CFAP52: variants seen among roughly 807,000 people sequenced by gnomAD.
The protein encoded by CFAP52 is cilia and flagella associated protein 52.
CFAP52 carries 57 observed loss-of-function variants against 70.5 expected under a neutral mutation model. The ratio of observed to expected loss-of-function variants is 0.81; its 90% CI spans 0.65 to 1.01. The LOEUF (loss-of-function observed/expected upper bound fraction) is 1.01, where lower values mean the gene tolerates loss of function less well. CFAP52 is among the 50% of genes least tolerant of loss of function. CFAP52 has a pLI of 0.00. For synonymous variants in CFAP52, 267 were observed against 292.5 expected (o/e 0.91, Z 0.89); for missense variants, 785 against 788.5 (o/e 1.00, Z 0.05).
intron 8 of CFAP52, among the ~76,000 whole-genome samples, chr17:9,615,795 C>CTTT (rs1190663709): frequency 0.022 from 1,485 of 67,314 alleles, 44 homozygotes; most frequent in Non-Finnish European, 0.032. Flanking sequence ...AAAAAAAATT[C>CTTT]TTTTTTTTTT....
At chr17:9,635,130 T>C (rs906210034) in intron 10 of CFAP52, among the ~76,000 whole-genome samples, 1 of 152,162 alleles carries the variant, frequency 6.6e-6, no homozygotes, top group African/African-American at 2.4e-5. Flanking sequence ...TCGATTTGCA[T>C]AGCAGGTGTC....
intron 7 of CFAP52, chr17:9,610,161 C>T (rs766311234): frequency 6.6e-6 from 1 of 151,984 alleles, no homozygotes; most frequent in Non-Finnish European, 1.5e-5. Flanking sequence ...AAATAACATC[C>T]AAGTATTGTC....
chr17:9,609,676 C>T (rs1042108086), intron 7 of CFAP52, among the ~76,000 whole-genome samples: 2 of 152,016 alleles, frequency 1.3e-5, no homozygotes, highest in Non-Finnish European at 1.5e-5. Context: ...GCACTGAACT[C>T]AGCCTGGGTG....
At chr17:9,584,826 T>C (rs1044778951) in intron 1 of CFAP52, among the ~76,000 whole-genome samples, 1 of 152,100 alleles carries the variant, frequency 6.6e-6, no homozygotes, top group Non-Finnish European at 1.5e-5. Flanking sequence ...TTTCACCATG[T>C]TGGCCAGGCT....
chr17:9,579,347 T>G (rs936860915), intron 1 of CFAP52, among the ~76,000 whole-genome samples: 1 of 151,688 alleles, frequency 6.6e-6, no homozygotes, highest in African/African-American at 2.4e-5. Context: ...GGAGGAAAAG[T>G]GGAGAGTGCA....
chr17:9,581,186 G>C (rs113879411), intron 1 of CFAP52, among the ~76,000 whole-genome samples: 227 of 152,144 alleles, frequency 1.5e-3, no homozygotes, highest in African/African-American at 5.1e-3. Flanking sequence ...GCGCGGTGGC[G>C]GGCACCTGTA....
chr17:9,614,595 ATTTG>A (rs954143848), intron 8 of CFAP52, among the ~76,000 whole-genome samples: 12 of 152,340 alleles, frequency 7.9e-5, no homozygotes, highest in African/African-American at 2.6e-4. Flanking sequence ...ATAAAAATTC[ATTTG>A]TTTATTAAAC....
chr17:9,628,563 C>T lies in CFAP52; in HGVS notation c.1026-109C>T, dbSNP rs1910325733. 11 of 1,438,250 alleles carry T rather than the reference C, an allele frequency of 7.6e-6. No homozygotes were observed. In the Admixed American group the frequency reaches 2.1e-4, roughly 28 times the overall value. 89.1% of individuals were successfully genotyped at this position (1,438,250 alleles called of 1,614,324 possible). ...AAGTGCTGGGATTACAGGTTTGAGC[C>T]ACCGCGCCCAGCCTTTTCCTATATT... is the stretch of plus-strand genomic sequence containing the variant. On this transcript the variant is annotated intron_variant, in intron 8 of 13. Coordinates refer to ENST00000352665, the MANE Select transcript of CFAP52 (RefSeq NM_145054.5).
At chr17:9,594,892 G>GA (rs1567623484) in intron 4 of CFAP52, among the ~76,000 whole-genome samples, 4 of 39,050 alleles carry the variant, frequency 1.0e-4, no homozygotes, top group African/African-American at 3.7e-4. Context: ...AATTAGGGAG[G>GA]GTTTTTTTTT....
At chr17:9,582,141 A>G (rs1160112676) in intron 1 of CFAP52, among the ~76,000 whole-genome samples, 3 of 152,230 alleles carry the variant, frequency 2.0e-5, no homozygotes, top group African/African-American at 4.8e-5. Flanking sequence ...GCATGTTACA[A>G]GGTTATCTCT....
At chr17:9,592,595 T>G (rs1258888925) in intron 3 of CFAP52, among the ~76,000 whole-genome samples, 1 of 152,238 alleles carries the variant, frequency 6.6e-6, no homozygotes, top group Non-Finnish European at 1.5e-5. Flanking sequence ...CTAAAACATT[T>G]CTCATAAGTA....
chr17:9,638,080 A>T (rs1458557976), intron 11 of CFAP52, among the ~76,000 whole-genome samples: 1 of 152,344 alleles, frequency 6.6e-6, no homozygotes, highest in African/African-American at 2.4e-5. Flanking sequence ...TGTGCATGAT[A>T]TGGTACGTCC....
chr17:9,595,305 T>C (rs1012370106), intron 4 of CFAP52, among the ~76,000 whole-genome samples: 1 of 152,196 alleles, frequency 6.6e-6, no homozygotes. Context: ...CTTTTCCAGC[T>C]AGAGAAGAGA....
chr17:9,606,836 G>T (rs1247767058), intron 6 of CFAP52, among the ~76,000 whole-genome samples: 1 of 152,158 alleles, frequency 6.6e-6, no homozygotes, highest in Non-Finnish European at 1.5e-5. Flanking sequence ...AGGAAGTTAG[G>T]GGTGAGGGGT....
rs867465661 is a variant in CFAP52 at position 9,631,034 on chromosome 17, G to A, written c.1175-1854G>A. The stretch of plus-strand genomic sequence containing the variant: ...AGAAAGAAAGAAAGAAAGAAAGAGA[G>A]AGAGAGAGAGAGAGAGAGAGAAAGA... On this transcript the variant is annotated intron_variant, in intron 9 of 13. Transcript: ENST00000352665. Among the ~76,000 whole-genome samples the A allele has an allele frequency of 4.9e-4, 34 of 69,192 alleles. 2 individuals carry two copies. In the East Asian group the frequency reaches 0.012, roughly 24 times the overall value. The allele number at this position is 69,192 out of a possible 152,430, so 45.4% of individuals were successfully genotyped here. A position where few individuals can be genotyped will look rare whatever the true frequency, so the allele number is the denominator to read the frequency against.
intron 4 of CFAP52, 143 bp downstream of exon 4, chr17:9,594,464 A>C: frequency 9.6e-7 from 1 of 1,037,242 alleles, no homozygotes; most frequent in Non-Finnish European, 1.3e-6. Context: ...TTTTGTACTC[A>C]TTAAAAGTTC....
At chr17:9,587,204 CT>C (rs745825279) in intron 3 of CFAP52, among the ~76,000 whole-genome samples, 1 of 152,166 alleles carries the variant, frequency 6.6e-6, no homozygotes, top group Non-Finnish European at 1.5e-5. Flanking sequence ...TGATCTCATT[CT>C]TTTTTATGGC....
In CFAP52 at chr17:9,643,149, T is replaced by C. The variant is rs762478148; in HGVS notation, c.1814T>C (p.Val605Ala). ...ISPGNQYIVS[V>A]SADGAILRWK... ...CCAGGAAATCAATATATTGTTAGTG[T>C]AAGTGCCGATGGAGCCATTTTGCGA... Residue 605 changes from valine (V) to alanine (A), a missense_variant, in exon 14 of 14, where the codon GTA becomes GCA. By Grantham distance (64) the Val-to-Ala change is moderately conservative. Transcript: ENST00000352665. 6.2e-7 allele frequency: 1 copy of C among 1,613,168 alleles called. No individual in the cohort carries two copies. The highest frequency in any genetic ancestry group is 1.3e-5 in the African/African-American group (1 of 75,044).
chr17:9,622,202 C>A (rs184113890), intron 8 of CFAP52, among the ~76,000 whole-genome samples: 7 of 152,104 alleles, frequency 4.6e-5, no homozygotes, highest in Non-Finnish European at 2.9e-5. Context: ...CACATCAATC[C>A]CCTTAGATTC....
Sources: allele counts gnomAD v4.1 joint callset (sites outside exome capture counted in the v4.1 genomes callset), GRCh38; gene constraint gnomAD v4.1.1; transcripts MANE v1.5; gene names NCBI Gene and HGNC (gene_info 2026-07-23, HGNC 2026-07-21).